Variants in KLHL10 observed in about 807,000 individuals in gnomAD.
The protein encoded by KLHL10 is kelch-like protein 10.
Under a neutral mutation model 46.6 loss-of-function variants are expected in KLHL10, and 11 were observed. The observed-to-expected ratio is 0.24, with a 90% CI of 0.15 to 0.39. The LOEUF is 0.39. Ranked by LOEUF, KLHL10 falls within the 10% of genes least tolerant of loss-of-function variation. The pLI is 1.00. For synonymous variants in KLHL10, 254 were observed against 279.1 expected (o/e 0.91, Z 0.90); for missense variants, 475 against 789.8 (o/e 0.60, Z 4.78).
intron 3 of KLHL10, among the ~76,000 whole-genome samples, chr17:41,846,808 C>T (rs533046508): frequency 1.3e-4 from 20 of 152,046 alleles, no homozygotes; most frequent in African/African-American, 4.8e-4. Context: ...GAGTGAGACT[C>T]CATCTCAAAA....
chr17:41,842,321 T>C lies in KLHL10; in HGVS notation c.684+9T>C, dbSNP rs1555620843. 1 of 1,613,562 alleles carries C rather than the reference T, an allele frequency of 6.2e-7. No individual in the cohort carries two copies. Among genetic ancestry groups the C allele is most frequent in the South Asian group, 1.1e-5 (1 of 91,064 alleles). On this transcript the variant is annotated intron_variant, in intron 2 of 4. Coordinates refer to ENST00000293303, the MANE Select transcript of KLHL10 (RefSeq NM_152467.5). ...CAATTTTGCTTCCTAAGGTCAGTGTTCACTCTTGATTCATTTATCACAGAG... is the reference window on the plus strand; with the variant it reads ...CAATTTTGCTTCCTAAGGTCAGTGTCCACTCTTGATTCATTTATCACAGAG...
At chr17:41,837,580 C>A (rs782318180), upstream of KLHL10, 4 of 1,107,276 alleles carry the variant, frequency 3.6e-6, no homozygotes, top group Non-Finnish European at 4.4e-6. Context: ...GGATAGAGAC[C>A]TGTATCAGGT....
At chr17:41,840,643 C>CAAAA (rs34129401) in intron 1 of KLHL10, among the ~76,000 whole-genome samples, 5 of 137,512 alleles carry the variant, frequency 3.6e-5, no homozygotes, top group African/African-American at 1.1e-4. Flanking sequence ...GACTCCATCT[C>CAAAA]AAAAAAAAAA....
intron 1 of KLHL10, among the ~76,000 whole-genome samples, chr17:41,841,131 C>A (rs1480966681): frequency 2.0e-5 from 3 of 151,038 alleles, no homozygotes; most frequent in African/African-American, 7.3e-5. Flanking sequence ...CAGAGCAAGA[C>A]CCTGTTTCCA....
chr17:41,840,546 G>A (rs2095386242), intron 1 of KLHL10, among the ~76,000 whole-genome samples: 1 of 151,522 alleles, frequency 6.6e-6, no homozygotes, highest in African/African-American at 2.4e-5. Context: ...TCGGGAGGCT[G>A]AGGCAGAGAA....
upstream of KLHL10, chr17:41,835,972 G>C (rs782010053): frequency 6.4e-7 from 1 of 1,566,514 alleles, no homozygotes; most frequent in Admixed American, 1.9e-5. Flanking sequence ...CCCGAGACCC[G>C]AGAGAACCAC....
rs2048185999 is a variant in KLHL10 at position 41,838,009 on chromosome 17, G to A, written c.77G>A (p.Cys26Tyr). The change falls in exon 1 of 5, where the codon TGT becomes TAT. Residue 26 changes from cysteine (C) to tyrosine (Y), a missense_variant. By Grantham distance (194) the Cys-to-Tyr change is radical. Transcript: ENST00000293303. ...GAGAGGAAGATGAGTGCGATGGCCT[G>A]TGAGATCTTCAACGAGCTTAGACTA... ...HMERKMSAMA[C>Y]EIFNELRLEG... 6.2e-7 allele frequency: 1 copy of A among 1,613,998 alleles called. No individual in the cohort carries two copies. The highest frequency in any genetic ancestry group is 1.7e-5 in the Admixed American group (1 of 59,984).
In KLHL10 at chr17:41,848,109, TGTTGA is replaced by T; in HGVS notation, c.1632_1636del (p.Glu545LeufsTer2). 1 of 1,614,158 alleles carries T rather than the reference TGTTGA, an allele frequency of 6.2e-7. No individual in the cohort carries two copies. Among genetic ancestry groups the T allele is most frequent in the Non-Finnish European group, 8.5e-7 (1 of 1,180,026 alleles). On this transcript the variant is annotated frameshift_variant, in exon 5 of 5. Coordinates refer to ENST00000293303, the MANE Select transcript of KLHL10 (RefSeq NM_152467.5). LOFTEE classifies it high-confidence loss of function. Reference sequence around the variant, plus strand: ...TTAATGGTTTTACCACCACCTTTAATGTTGAGTGCTATGATGAAAAGACCGATGAG... The same window carrying T: ...TTAATGGTTTTACCACCACCTTTAATGTGCTATGATGAAAAGACCGATGAG...
upstream of KLHL10, chr17:41,835,796 A>G: frequency 6.9e-7 from 1 of 1,452,478 alleles, no homozygotes; most frequent in Non-Finnish European, 9.5e-7. Context: ...GGGAAGGCCC[A>G]ATGGGCAGGA....
intron 1 of KLHL10, among the ~76,000 whole-genome samples, chr17:41,838,503 C>T (rs1334494521): frequency 6.6e-6 from 1 of 152,046 alleles, no homozygotes; most frequent in Non-Finnish European, 1.5e-5. Context: ...CCAAAGCGAT[C>T]CTCCTGCCTC....
upstream of KLHL10, chr17:41,836,538 T>G (rs890154284): frequency 1.2e-6 from 1 of 847,102 alleles, no homozygotes; most frequent in South Asian, 5.4e-5. Flanking sequence ...AAAACATGAC[T>G]GGGGCTGGGC....
chr17:41,836,299 G>GGGGGCGGGGCGGGGGTGGGGCCT, upstream of KLHL10: 1 of 1,229,736 alleles, frequency 8.1e-7, no homozygotes, highest in Non-Finnish European at 1.0e-6. Flanking sequence ...TGGTGGGGCC[G>GGGGGCGGGGCGGGGGTGGGGCCT]GGGGCGGGGC....
At chr17:41,840,905 C>CA (rs2048219389) in intron 1 of KLHL10, among the ~76,000 whole-genome samples, 1 of 152,104 alleles carries the variant, frequency 6.6e-6, no homozygotes, top group Non-Finnish European at 1.5e-5. Context: ...CACCTGAGGT[C>CA]AGGAGTGCGA....
At chr17:41,839,230 T>C (rs573353981) in intron 1 of KLHL10, among the ~76,000 whole-genome samples, 2 of 152,314 alleles carry the variant, frequency 1.3e-5, no homozygotes, top group South Asian at 4.1e-4. Flanking sequence ...GACTTCGTGA[T>C]CCACCCACCT....
chr17:41,841,946 G>A lies in KLHL10; in HGVS notation c.318G>A (p.Pro106=), dbSNP rs370786117. The change falls in exon 2 of 5, where the codon CCG becomes CCA. Residue 106 remains proline (P), a synonymous_variant. Transcript: ENST00000293303. ...ACACCCGGACCGTGCCTATCACACC[G>A]GACAATGTGGAGAAACTGCTTGCTG... ...YAYTRTVPIT[P]DNVEKLLAAA... The A allele has an allele frequency of 9.3e-6, 15 of 1,614,012 alleles. No homozygotes were observed. The highest frequency in any genetic ancestry group is 8.9e-5 in the East Asian group (4 of 44,896).
Position 41,845,288 on chromosome 17 carries a change from C to A in KLHL10, c.847C>A (p.Leu283Ile). Residue 283 changes from leucine (L) to isoleucine (I), a missense_variant, in exon 3 of 5, where the codon CTC (leucine) becomes ATC (isoleucine). By Grantham distance (5) the Leu-to-Ile change is conservative. Transcript: ENST00000293303. ...GPSNSDFTNP[L>I]TRPRLPYAIL... is the part of the protein sequence containing the mutation. ...CTCTAATTCTGATTTCACCAACCCA[C>A]TCACCAGACCACGCTTGCCCTATGC... 6.2e-7 allele frequency: 1 copy of A among 1,614,246 alleles called. No homozygotes were observed. The highest frequency in any genetic ancestry group is 1.1e-5 in the South Asian group (1 of 91,086).
chr17:41,847,510 C>CTTTTT, intron 4 of KLHL10, 100 bp downstream of exon 4: 1 of 1,159,518 alleles, frequency 8.6e-7, no homozygotes, highest in Non-Finnish European at 1.2e-6. Flanking sequence ...ATTTGAAAAG[C>CTTTTT]TTTTTTTTTT....
chr17:41,842,077 A>G lies in KLHL10; in HGVS notation c.449A>G (p.Tyr150Cys), dbSNP rs2048232585. Residue 150 changes from tyrosine (Y) to cysteine (C), a missense_variant, in exon 2 of 5, where the codon TAC (tyrosine) becomes TGC (cysteine). Coordinates refer to ENST00000293303, the MANE Select transcript of KLHL10 (RefSeq NM_152467.5). ...ATCGGCATCTGTAAGTTCACGGACT[A>G]CTACTACTGTCCTGAGCTGAGGCAG... ...NCIGICKFTDYYYCPELRQKA... is the reference protein window; with the variant it reads ...NCIGICKFTDCYYCPELRQKA... The G allele has an allele frequency of 1.2e-6, 2 of 1,614,040 alleles. No individual in the cohort carries two copies. The highest frequency in any genetic ancestry group is 1.7e-5 in the Admixed American group (1 of 59,982).
upstream of KLHL10, among the ~76,000 whole-genome samples, chr17:41,836,860 G>A (rs2048167405): frequency 6.6e-6 from 1 of 152,078 alleles, no homozygotes; most frequent in African/African-American, 2.4e-5. Context: ...GGCTGGATGG[G>A]AGGAGAGATG....
Sources: allele counts gnomAD v4.1 joint callset (sites outside exome capture counted in the v4.1 genomes callset), GRCh38; gene constraint gnomAD v4.1.1; transcripts MANE v1.5; gene names NCBI Gene and HGNC (gene_info 2026-07-23, HGNC 2026-07-21).